Variants in MCTP1 observed in about 807,000 individuals in gnomAD.
The protein encoded by MCTP1 is multiple C2 and transmembrane domain containing 1.
In MCTP1, 69 loss-of-function variants were observed where a neutral mutation model predicts 120.6. The observed-to-expected ratio is 0.57, with a 90% CI of 0.47 to 0.70. The LOEUF is 0.70. Ranked by LOEUF, MCTP1 falls within the 30% of genes least tolerant of loss-of-function variation. The probability of loss-of-function intolerance (pLI) is 0.00; values close to 1 mark genes in which losing one functional copy is unlikely to be tolerated. For missense variants in MCTP1, 1,203 were observed against 1,248.8 expected, an observed-to-expected ratio of 0.96 and a Z score of 0.55; for synonymous variants, 529 against 493.1, an observed-to-expected ratio of 1.07 and a Z score of -0.96.
chr5:95,010,162 A>G (rs1384252828), intron 2 of MCTP1, among the ~76,000 whole-genome samples: 1 of 152,110 alleles, frequency 6.6e-6, no homozygotes, highest in Non-Finnish European at 1.5e-5. Context: ...TTTTCTCTAC[A>G]TTCATCTTTT....
chr5:94,998,419 T>A (rs1166211822), intron 2 of MCTP1, among the ~76,000 whole-genome samples: 1 of 152,202 alleles, frequency 6.6e-6, no homozygotes, highest in East Asian at 1.9e-4. Flanking sequence ...GTCTGTTAAG[T>A]GCCATAAGGT....
intron 1 of MCTP1, among the ~76,000 whole-genome samples, chr5:95,235,823 T>C (rs1265474111): frequency 6.6e-6 from 1 of 152,208 alleles, no homozygotes; most frequent in Admixed American, 6.5e-5. Flanking sequence ...GTGCAGCTCA[T>C]GCCTTGATGT....
chr5:94,836,253 GA>G (rs2153183916), intron 17 of MCTP1, among the ~76,000 whole-genome samples: 1 of 149,512 alleles, frequency 6.7e-6, no homozygotes, highest in African/African-American at 2.5e-5. Flanking sequence ...AGAAGTGAGT[GA>G]AAGGATAAAC....
rs1363730187 is a variant in MCTP1, at chr5:94,705,076, G to A, written c.*2420C>T. 1 of 151,406 alleles carries A rather than the reference G, an allele frequency of 6.6e-6. No homozygotes were observed. Among genetic ancestry groups the A allele is most frequent in the Non-Finnish European group, 1.5e-5 (1 of 67,608 alleles). The allele number at this position is 151,406 out of a possible 1,614,324, so 9.4% of individuals were successfully genotyped here. On this transcript the variant is annotated 3_prime_UTR_variant, in exon 23 of 23. Coordinates refer to ENST00000515393, the MANE Select transcript of MCTP1 (RefSeq NM_024717.7). ...AGATACTAAAGGAATATATTTAGTAGTTCACAATATCTATAATAGTTAGCA... is the reference window on the plus strand; with the variant it reads ...AGATACTAAAGGAATATATTTAGTAATTCACAATATCTATAATAGTTAGCA...
chr5:95,283,596 A>G (rs1190767382), intron 1 of MCTP1, among the ~76,000 whole-genome samples: 1 of 152,240 alleles, frequency 6.6e-6, no homozygotes, highest in Admixed American at 6.5e-5. Context: ...TTTAGGTCTA[A>G]CTTTTCATTG....
chr5:95,006,704 A>G (rs1184894575), intron 2 of MCTP1, among the ~76,000 whole-genome samples: 1 of 152,196 alleles, frequency 6.6e-6, no homozygotes, highest in African/African-American at 2.4e-5. Context: ...AAACTTTCTG[A>G]AACCTGCTCA....
At chr5:95,276,378 C>T (rs1404281788) in intron 1 of MCTP1, among the ~76,000 whole-genome samples, 1 of 148,074 alleles carries the variant, frequency 6.8e-6, no homozygotes, top group Non-Finnish European at 1.5e-5. Flanking sequence ...CCTGTCTCAG[C>T]CTCCCGACTA....
chr5:94,952,171 CAA>C (rs57358026), intron 3 of MCTP1, among the ~76,000 whole-genome samples: 82 of 87,866 alleles, frequency 9.3e-4, no homozygotes, highest in African/African-American at 2.9e-3. Flanking sequence ...GACTTTGTCG[CAA>C]AAAAAAAAAA....
intron 1 of MCTP1, among the ~76,000 whole-genome samples, chr5:95,279,166 C>T (rs1215814224): frequency 6.6e-6 from 1 of 151,974 alleles, no homozygotes; most frequent in Non-Finnish European, 1.5e-5. Context: ...GCATTATGAT[C>T]AAAGAAATCA....
At chr5:94,959,221 C>G (rs942277652) in intron 2 of MCTP1, among the ~76,000 whole-genome samples, 2 of 152,090 alleles carry the variant, frequency 1.3e-5, no homozygotes, top group Non-Finnish European at 2.9e-5. Context: ...AATCCAACAC[C>G]CTTTCATGCT....
intron 1 of MCTP1, among the ~76,000 whole-genome samples, chr5:95,120,274 A>G (rs1758129481): frequency 6.6e-6 from 1 of 152,038 alleles, no homozygotes; most frequent in African/African-American, 2.4e-5. Flanking sequence ...ACTAATATCA[A>G]TCCTACTCAA....
intron 19 of MCTP1, among the ~76,000 whole-genome samples, chr5:94,774,322 T>C (rs1361074794): frequency 6.7e-6 from 1 of 150,078 alleles, no homozygotes; most frequent in East Asian, 2.0e-4. Flanking sequence ...TTATCTTTGA[T>C]GGGCCTGGCC....
At chr5:94,947,577 T>TATATATATATATATATAGAGAGAGAG in intron 3 of MCTP1, among the ~76,000 whole-genome samples, 8 of 47,392 alleles carry the variant, frequency 1.7e-4, no homozygotes, top group Non-Finnish European at 2.4e-4. Context: ...TATATATATA[T>TATATATATATATATATAGAGAGAGAG]AGAGAGAGAG....
chr5:94,885,699 C>T (rs1390819044), intron 12 of MCTP1, among the ~76,000 whole-genome samples: 1 of 149,268 alleles, frequency 6.7e-6, no homozygotes, highest in Non-Finnish European at 1.5e-5. Context: ...CGGGGCCAGA[C>T]AGTCTCTAGG....
At position 94,706,387 on chromosome 5, in the gene MCTP1, A is replaced by AC. The variant is rs949301050; in HGVS notation, c.*1108dup. The AC allele has an allele frequency of 1.3e-5, 2 of 150,964 alleles. No individual in the cohort carries two copies. Among genetic ancestry groups the AC allele is most frequent in the African/African-American group, 2.4e-5 (1 of 41,138 alleles). 9.4% of individuals were successfully genotyped at this position (150,964 alleles called of 1,614,324 possible). On this transcript the variant is annotated 3_prime_UTR_variant, in exon 23 of 23. Coordinates refer to ENST00000515393, the MANE Select transcript of MCTP1 (RefSeq NM_024717.7). ...TGAAACATTGATAAAGGCAACCACCACCCCCAAGCAGTTTATTTTATTTTA... is the reference window on the plus strand; with the variant it reads ...TGAAACATTGATAAAGGCAACCACCACCCCCCAAGCAGTTTATTTTATTTTA...
chr5:95,154,920 A>G (rs1490086023), intron 1 of MCTP1, among the ~76,000 whole-genome samples: 1 of 152,090 alleles, frequency 6.6e-6, no homozygotes, highest in Non-Finnish European at 1.5e-5. Context: ...TCAACATATA[A>G]GGAAAAACTG....
chr5:95,101,504 G>A lies in MCTP1; in HGVS notation c.721-84020C>T, dbSNP rs558501589. ...CGGTAGTTGGTGCCATCAACCTAAC[G>A]TGGATTCTGAACCAGAACCAGAAGT... On this transcript the variant is annotated intron_variant, in intron 1 of 22. Transcript: ENST00000515393. 4.6e-5 allele frequency among the ~76,000 whole-genome samples: 7 copies of A among 152,280 alleles called. No individual in the cohort carries two copies. The East Asian group carries it at 5.8e-4, about 13-fold the overall frequency.
At chr5:94,773,453 G>A (rs1390592752) in intron 19 of MCTP1, among the ~76,000 whole-genome samples, 2 of 152,112 alleles carry the variant, frequency 1.3e-5, no homozygotes, top group Non-Finnish European at 2.9e-5. Context: ...GGTTTTGATA[G>A]GCAGAATTCT....
chr5:94,781,813 A>C (rs1325582616), intron 18 of MCTP1, among the ~76,000 whole-genome samples: 1 of 152,160 alleles, frequency 6.6e-6, no homozygotes, highest in Non-Finnish European at 1.5e-5. Context: ...ATTGCTCCAC[A>C]AATGTGCAGC....
Sources: allele counts gnomAD v4.1 joint callset (sites outside exome capture counted in the v4.1 genomes callset), GRCh38; gene constraint gnomAD v4.1.1; transcripts MANE v1.5; gene names NCBI Gene and HGNC (gene_info 2026-07-23, HGNC 2026-07-21).